Variants in CCNQ observed in about 807,000 individuals in gnomAD.
CCNQ encodes the protein cyclin-Q.
CCNQ carries 3 observed loss-of-function variants against 17.7 expected under a neutral mutation model. The ratio of observed to expected loss-of-function variants is 0.17; its 90% CI spans 0.08 to 0.44. CCNQ has a LOEUF of 0.44. Among genes scored for constraint, CCNQ ranks in the 20% least tolerant of loss-of-function variants. The pLI, the probability that CCNQ is intolerant of heterozygous loss-of-function variation, is 0.99. For synonymous variants in CCNQ, 73 were observed against 96.0 expected, an observed-to-expected ratio of 0.76 and a Z score of 1.40; for missense variants, 146 against 222.6, an observed-to-expected ratio of 0.66 and a Z score of 2.19.
At chrX:153,595,044 G>A (rs539760538) in intron 2 of CCNQ, among the ~76,000 whole-genome samples, 20 of 112,946 alleles carry the variant, frequency 1.8e-4, no homozygotes, top group African/African-American at 5.1e-4. Context: ...CGGCATTAGG[G>A]AGTCTTCATC....
In CCNQ at chrX:153,599,023, C is replaced by T. The variant is rs1328680451; in HGVS notation, c.51G>A (p.Glu17=). ...GGGGPAARGP[E]GQPAPEARVH... is the part of the protein sequence containing the mutation. The stretch of plus-strand genomic sequence containing the variant: ...CCCTGGCTTCGGGCGCCGGCTGCCC[C>T]TCCGGGCCCCGCGCTGCAGGCCCCC... The change falls in exon 1 of 5, where the codon GAG becomes GAA. Residue 17 remains glutamate, a synonymous_variant. Transcript: ENST00000576892. The T allele has an allele frequency of 8.2e-5, 91 of 1,113,759 alleles. No individual in the cohort carries two copies. Among genetic ancestry groups the T allele is most frequent in the Admixed American group, 1.2e-4 (4 of 34,760 alleles). The allele number at this position is 1,113,759 out of a possible 1,213,427, so 91.8% of individuals were successfully genotyped here.
At position 153,588,142 on chromosome X, in the gene CCNQ, C is replaced by T. The variant is rs782263331; in HGVS notation, c.*223G>A. On this transcript the variant is annotated 3_prime_UTR_variant, in exon 5 of 5. Transcript: ENST00000576892. ...GGGTCAGCTGCACACAGTACACTCC[C>T]GGCCTGCCCGCTGGAGGCGCGGCTC... 10 of 517,047 alleles carry T rather than the reference C, an allele frequency of 1.9e-5. No homozygotes were observed. Among genetic ancestry groups the T allele is most frequent in the African/African-American group, 4.6e-5 (2 of 43,606 alleles). 42.6% of individuals were successfully genotyped at this position (517,047 alleles called of 1,213,427 possible).
At chrX:153,597,260 G>A (rs1557027274) in intron 1 of CCNQ, among the ~76,000 whole-genome samples, 1 of 112,258 alleles carries the variant, frequency 8.9e-6, no homozygotes, top group Non-Finnish European at 1.9e-5. Context: ...GTTCCCTAGG[G>A]CTACTGCAAC....
intron 2 of CCNQ, 129 bp downstream of exon 2, chrX:153,595,875 G>A: frequency 1.2e-6 from 1 of 804,270 alleles, no homozygotes; most frequent in Non-Finnish European, 1.9e-6. Flanking sequence ...GCCCTGCCTG[G>A]TTCAAGGCCA....
chrX:153,597,893 C>T (rs2091038729), intron 1 of CCNQ, among the ~76,000 whole-genome samples: 2 of 111,041 alleles, frequency 1.8e-5, no homozygotes, highest in African/African-American at 3.3e-5. Flanking sequence ...ACGGACCCTC[C>T]GAGCAGACGG....
chrX:153,590,114 G>A (rs1248839034), intron 4 of CCNQ, among the ~76,000 whole-genome samples: 1 of 107,283 alleles, frequency 9.3e-6, no homozygotes, highest in African/African-American at 3.4e-5. Flanking sequence ...TGTAATCCCA[G>A]TTACTTAGGA....
Position 153,588,304 on chromosome X carries a change from A to G in CCNQ, c.*61T>C. 1.0e-6 allele frequency: 1 copy of G among 965,332 alleles called. No homozygotes were observed. Among genetic ancestry groups the G allele is most frequent in the Admixed American group, 2.2e-5 (1 of 45,882 alleles). 79.6% of individuals were successfully genotyped at this position (965,332 alleles called of 1,213,427 possible). On this transcript the variant is annotated 3_prime_UTR_variant, in exon 5 of 5. Transcript: ENST00000576892. ...GACCAGCCGTCATGGCGACGTGGTG[A>G]CAATGTCCCCAGGCAGCCGACCATC...
At chrX:153,591,321 C>T (rs1365002656) in intron 4 of CCNQ, among the ~76,000 whole-genome samples, 1 of 112,029 alleles carries the variant, frequency 8.9e-6, no homozygotes, top group African/African-American at 3.2e-5. Flanking sequence ...AGAAGTTCCA[C>T]ACCCCACAAA....
intron 3 of CCNQ, among the ~76,000 whole-genome samples, chrX:153,592,959 G>A (rs781924764): frequency 9.0e-6 from 1 of 111,524 alleles, no homozygotes; most frequent in African/African-American, 3.3e-5. Context: ...CCAGCTCACC[G>A]TATGCACCTG....
rs2091025518 is a variant in CCNQ at position 153,596,033 on chromosome X, C to A, written c.267G>T (p.Arg89=). 1 of 1,210,748 alleles carries A rather than the reference C, an allele frequency of 8.3e-7. No homozygotes were observed. The highest frequency in any genetic ancestry group is 1.1e-6 in the Non-Finnish European group (1 of 895,406). Residue 89 remains arginine (R), a synonymous_variant, in exon 2 of 5, where the codon CGG becomes CGT. Transcript: ENST00000576892. ...TGGACACATTGATGATGTCACGAGT[C>A]CGCAGGTGCTGCTCTTCCACTTTGC... is the stretch of plus-strand genomic sequence containing the variant. ...LAGKVEEQHL[R]TRDIINVSNR...
chrX:153,591,200 G>A (rs974196132), intron 4 of CCNQ, among the ~76,000 whole-genome samples: 12 of 111,965 alleles, frequency 1.1e-4, no homozygotes, highest in Non-Finnish European at 2.1e-4. Context: ...CTCGCACCCC[G>A]CCAGCCCACA....
intron 4 of CCNQ, among the ~76,000 whole-genome samples, chrX:153,591,254 C>A (rs2090989398): frequency 8.9e-6 from 1 of 112,013 alleles, no homozygotes; most frequent in South Asian, 3.7e-4. Context: ...CAGCCCCGAG[C>A]TGGGAGGCAA....
chrX:153,597,307 T>G (rs1193620860), intron 1 of CCNQ: 1 of 112,170 alleles, frequency 8.9e-6, no homozygotes, highest in African/African-American at 3.2e-5. Context: ...ACAACACACA[T>G]TTATACTCCT....
intron 1 of CCNQ, among the ~76,000 whole-genome samples, chrX:153,597,954 C>T (rs2091039220): frequency 9.0e-6 from 1 of 111,040 alleles, no homozygotes; most frequent in African/African-American, 3.3e-5. Flanking sequence ...CTTTGCAACT[C>T]TTCTTGCAAA....
At chrX:153,590,205 G>C (rs1557025441) in intron 4 of CCNQ, among the ~76,000 whole-genome samples, 1 of 77,333 alleles carries the variant, frequency 1.3e-5, no homozygotes. Context: ...TCCAGCCTGG[G>C]CAATAGAGTG....
intron 4 of CCNQ, among the ~76,000 whole-genome samples, chrX:153,592,296 C>G (rs1242777392): frequency 8.8e-6 from 1 of 113,362 alleles, no homozygotes; most frequent in Non-Finnish European, 1.9e-5. Flanking sequence ...GGCCAGCACT[C>G]CTGTTCGACA....
At chrX:153,596,233 C>G in intron 1 of CCNQ, 46 bp from the exon 2 acceptor site, 6 of 1,174,380 alleles carry the variant, frequency 5.1e-6, no homozygotes, top group Non-Finnish European at 7.0e-6. Context: ...CCAGCGCTGG[C>G]TCACTGCTCC....
In CCNQ at chrX:153,598,911, GCGAAGCGGGCCGCGGCGC is replaced by G. The variant is rs2091046710; in HGVS notation, c.112+33_112+50del. 1.2e-5 allele frequency: 12 copies of G among 963,487 alleles called. No individual in the cohort carries two copies. The South Asian group carries it at 2.6e-4, about 21-fold the overall frequency. The allele number at this position is 963,487 out of a possible 1,213,427, so 79.4% of individuals were successfully genotyped here. A position where few individuals can be genotyped will look rare whatever the true frequency, so the allele number is the denominator to read the frequency against. On this transcript the variant is annotated intron_variant, in intron 1 of 4. Coordinates refer to ENST00000576892, the MANE Select transcript of CCNQ (RefSeq NM_152274.5). ...CGGCCTGGCCAGCCGGGCCCGCTCC[GCGAAGCGGGCCGCGGCGC>G]CGCCTGTCCTGGCCTCCCCCGGCCG...
chrX:153,592,818 T>A, intron 3 of CCNQ, 85 bp from the exon 4 acceptor site: 1 of 860,114 alleles, frequency 1.2e-6, no homozygotes. Flanking sequence ...GCTCCAACCC[T>A]CCAGCAGCTT....
Sources: gnomAD v4.1 joint callset for allele counts (sites outside exome capture counted in the v4.1 genomes callset) on GRCh38, gnomAD v4.1.1 for gene constraint, MANE v1.5 for transcripts, NCBI Gene and HGNC (gene_info 2026-07-23, HGNC 2026-07-21) for gene names.